PHF21A: variants seen among roughly 807,000 people sequenced by gnomAD.
PHF21A encodes the protein BHC80a.
Under a neutral mutation model 82.5 loss-of-function variants are expected in PHF21A, and 11 were observed. That is an observed-to-expected ratio of 0.13 (90% CI 0.08 to 0.22). PHF21A has a LOEUF of 0.22. PHF21A is among the 10% of genes least tolerant of loss of function. The pLI, the probability that PHF21A is intolerant of heterozygous loss-of-function variation, is 1.00. For synonymous variants in PHF21A, 297 were observed against 302.8 expected (o/e 0.98, Z 0.20); for missense variants, 579 against 837.8 (o/e 0.69, Z 3.81).
At chr11:45,971,417 A>G in intron 7 of PHF21A, 50 bp from the exon 8 acceptor site, 1 of 1,502,806 alleles carries the variant, frequency 6.7e-7, no homozygotes, top group Non-Finnish European at 9.1e-7. Flanking sequence ...AAACTAAATA[A>G]TAAACTAAAT....
At chr11:46,066,780 T>A (rs527722659) in intron 6 of PHF21A, among the ~76,000 whole-genome samples, 2 of 152,324 alleles carry the variant, frequency 1.3e-5, no homozygotes, top group South Asian at 4.1e-4. Flanking sequence ...CTAGCTCTCT[T>A]GAACCTCACT....
chr11:46,079,188 G>A (rs368593404), intron 4 of PHF21A, 22 bp from the exon 5 acceptor site: 2 of 1,590,188 alleles, frequency 1.3e-6, no homozygotes, highest in African/African-American at 1.3e-5. Flanking sequence ...GAGAGAAAAA[G>A]AGCCATCAGT....
chr11:45,989,468 C>CA (rs1352414781), intron 6 of PHF21A, among the ~76,000 whole-genome samples: 1 of 131,452 alleles, frequency 7.6e-6, no homozygotes, highest in Non-Finnish European at 1.6e-5. Flanking sequence ...ACCTGGCTAA[C>CA]ACGGTGAAAC....
intron 15 of PHF21A, among the ~76,000 whole-genome samples, chr11:45,942,558 C>CTG (rs1325069085): frequency 6.6e-6 from 1 of 152,172 alleles, no homozygotes; most frequent in African/African-American, 2.4e-5. Flanking sequence ...GTTAGGAAAC[C>CTG]TGTGTCAATT....
chr11:46,037,596 T>C (rs146575008), intron 6 of PHF21A, among the ~76,000 whole-genome samples: 1 of 142,484 alleles, frequency 7.0e-6, no homozygotes, highest in East Asian at 2.1e-4. Context: ...TGAGCCGAGA[T>C]CGTGCCAGCG....
chr11:45,934,430 G>T, intron 18 of PHF21A: 2 of 548,926 alleles, frequency 3.6e-6, no homozygotes, highest in Non-Finnish European at 6.4e-6. Context: ...AGGCTGGGGG[G>T]TCCCAGGTCC....
At chr11:45,970,944 G>A (rs1024022587) in intron 8 of PHF21A, 172 bp downstream of exon 8, 1 of 741,494 alleles carries the variant, frequency 1.3e-6, no homozygotes. Context: ...GTAGTGATTT[G>A]AGCAGATAGC....
intron 11 of PHF21A, among the ~76,000 whole-genome samples, chr11:45,950,484 G>A (rs1213778741): frequency 4.0e-5 from 6 of 151,588 alleles, no homozygotes. Context: ...ATTGTCTCGA[G>A]CCACACATAA....
At chr11:46,107,578 A>ACC (rs2097166171) in intron 1 of PHF21A, among the ~76,000 whole-genome samples, 1 of 152,232 alleles carries the variant, frequency 6.6e-6, no homozygotes, top group South Asian at 2.1e-4. Flanking sequence ...TCGTGGATCT[A>ACC]AAGAAGCATA....
chr11:45,959,814 A>C (rs910812011), intron 10 of PHF21A, among the ~76,000 whole-genome samples: 14 of 152,244 alleles, frequency 9.2e-5, no homozygotes, highest in African/African-American at 3.1e-4. Flanking sequence ...AGGGTCTAGT[A>C]TCCAGATTAT....
rs772957304 is a variant in PHF21A at position 45,965,598 on chromosome 11, T to C, written c.713A>G (p.Lys238Arg). The C allele has an allele frequency of 5.2e-6, 8 of 1,550,484 alleles. No homozygotes were observed. The Admixed American group carries it at 1.1e-4, about 22-fold the overall frequency. ...AGGAATGTTATTCTGGGCCACAGGC[T>C]TGGGTCGAACCTATAGGGGAAAGAG... Reference protein sequence around the residue: ...RPNFLPQVRPKPVAQNNIPIA... With the variant: ...RPNFLPQVRPRPVAQNNIPIA... The change falls in exon 10 of 19, where the codon AAG (lysine) becomes AGG (arginine). Residue 238 changes from lysine (K) to arginine (R), a missense_variant. Around this residue, in one of 3 missense-constraint regions of PHF21A, gnomAD observed 410 missense variants for 642.1 expected, o/e 0.64. Transcript: ENST00000676320.
chr11:46,118,304 C>T (rs1350824948), intron 1 of PHF21A, among the ~76,000 whole-genome samples: 2 of 151,090 alleles, frequency 1.3e-5, no homozygotes, highest in African/African-American at 4.9e-5. Context: ...TGTCTAAAAA[C>T]TAAGTTAAAA....
chr11:45,948,358 TG>T (rs1331824638), intron 14 of PHF21A, among the ~76,000 whole-genome samples: 2 of 152,230 alleles, frequency 1.3e-5, no homozygotes, highest in Non-Finnish European at 2.9e-5. Context: ...GAGCCTGTTT[TG>T]AGAGTGACCT....
At chr11:46,045,174 T>C (rs983783615) in intron 6 of PHF21A, among the ~76,000 whole-genome samples, 5 of 152,212 alleles carry the variant, frequency 3.3e-5, no homozygotes, top group Non-Finnish European at 5.9e-5. Context: ...AAAGTCCCAA[T>C]TGGGTTCCCA....
At chr11:46,017,218 G>A (rs995572828) in intron 6 of PHF21A, among the ~76,000 whole-genome samples, 5 of 152,154 alleles carry the variant, frequency 3.3e-5, no homozygotes, top group African/African-American at 7.2e-5. Flanking sequence ...TGATCCGCTC[G>A]CCTCAGCCTC....
intron 7 of PHF21A, among the ~76,000 whole-genome samples, chr11:45,975,461 C>T (rs949927406): frequency 6.6e-6 from 1 of 151,998 alleles, no homozygotes; most frequent in East Asian, 1.9e-4. Context: ...GATCTAACTT[C>T]CACATCTGTT....
chr11:46,008,763 A>T (rs2095352453), intron 6 of PHF21A, among the ~76,000 whole-genome samples: 1 of 152,280 alleles, frequency 6.6e-6, no homozygotes, highest in South Asian at 2.1e-4. Flanking sequence ...TTTTTGTTAG[A>T]TTTAAGTAAA....
Position 45,969,880 on chromosome 11 carries a change from G to T in PHF21A, c.637C>A (p.Pro213Thr). The T allele has an allele frequency of 6.2e-7, 1 of 1,613,584 alleles. No homozygotes were observed. Among genetic ancestry groups the T allele is most frequent in the Non-Finnish European group, 8.5e-7 (1 of 1,179,606 alleles). Residue 213 changes from proline (P) to threonine (T), a missense_variant, in exon 9 of 19, where the codon CCC becomes ACC. By Grantham distance (38) the Pro-to-Thr change is conservative. Transcript: ENST00000676320. ...TLQVQATPPQ[P>T]IKVPQFIPPP... ...GGGATAAACTGTGGTACTTTGATGG[G>T]CTGAGGAGGTGTTGCCTGAACCTGC...
intron 6 of PHF21A, among the ~76,000 whole-genome samples, chr11:46,019,756 A>T (rs981420504): frequency 6.6e-6 from 1 of 152,214 alleles, no homozygotes; most frequent in Admixed American, 6.5e-5. Flanking sequence ...TCTGCTTGAC[A>T]GTTAAACAGT....
Sources: allele counts gnomAD v4.1 joint callset (sites outside exome capture counted in the v4.1 genomes callset), GRCh38; gene constraint gnomAD v4.1.1; regional missense constraint gnomAD v4.1.1; transcripts MANE v1.5; gene names NCBI Gene and HGNC (gene_info 2026-07-23, HGNC 2026-07-21).